The following EML6 variants were observed in gnomAD, a reference collection of about 807,000 sequenced individuals.
EML6 encodes echinoderm microtubule-associated protein-like 6.
Under a neutral mutation model 240.1 loss-of-function variants are expected in EML6, and 154 were observed. The observed-to-expected ratio is 0.64, with a 90% CI of 0.56 to 0.73. The LOEUF is 0.73. Ranked by LOEUF, EML6 falls within the 30% of genes least tolerant of loss-of-function variation. The pLI is 0.00. For synonymous variants in EML6, 1,148 were observed against 899.0 expected (o/e 1.28, Z -4.95); for missense variants, 2,964 against 2,474.6 (o/e 1.20, Z -4.20).
chr2:54,926,818 C>A (rs1237043397), intron 26 of EML6, among the ~76,000 whole-genome samples: 1 of 152,168 alleles, frequency 6.6e-6, no homozygotes, highest in Non-Finnish European at 1.5e-5. Context: ...CCCTCTGCAA[C>A]CTGAATCTCA....
chr2:54,903,630 C>A (rs776320093), intron 24 of EML6, 128 bp downstream of exon 24: 58 of 771,244 alleles, frequency 7.5e-5, no homozygotes, highest in Non-Finnish European at 9.9e-5. Flanking sequence ...ACAATATAAA[C>A]GACTGTAATT....
At chr2:54,866,980 G>T (rs988854783) in intron 14 of EML6, 96 bp downstream of exon 14, 61 of 656,158 alleles carry the variant, frequency 9.3e-5, no homozygotes, top group Admixed American at 1.3e-4. Context: ...CCTCCCCTCA[G>T]TGTCGTCCTC....
intron 26 of EML6, among the ~76,000 whole-genome samples, chr2:54,919,460 T>A (rs1345364924): frequency 2.6e-5 from 4 of 152,146 alleles, no homozygotes; most frequent in African/African-American, 9.7e-5. Context: ...AATAACTGAT[T>A]AGGTTATCAT....
At chr2:54,827,501 T>C (rs1008241587) in intron 5 of EML6, 65 bp from the exon 6 acceptor site, 13 of 1,331,294 alleles carry the variant, frequency 9.8e-6, no homozygotes, top group South Asian at 5.2e-5. Flanking sequence ...GAAGTATAAA[T>C]AAACACCAAT....
chr2:54,861,299 C>T (rs928732813), intron 12 of EML6, among the ~76,000 whole-genome samples: 7 of 152,180 alleles, frequency 4.6e-5, no homozygotes, highest in African/African-American at 1.7e-4. Flanking sequence ...CCTTAATGAA[C>T]TAGCTCTGGA....
chr2:54,932,151 G>A (rs1482896135), intron 28 of EML6, among the ~76,000 whole-genome samples: 5 of 152,162 alleles, frequency 3.3e-5, no homozygotes, highest in Non-Finnish European at 5.9e-5. Context: ...TTTACAGTTG[G>A]TCTCAAAAGA....
At chr2:54,861,089 A>G (rs898089838) in intron 12 of EML6, among the ~76,000 whole-genome samples, 3 of 152,166 alleles carry the variant, frequency 2.0e-5, no homozygotes, top group Non-Finnish European at 4.4e-5. Flanking sequence ...TTCCAATGCT[A>G]CTTGATGGCC....
intron 22 of EML6, among the ~76,000 whole-genome samples, chr2:54,900,173 TA>T (rs1366189114): frequency 3.3e-5 from 5 of 152,182 alleles, no homozygotes; most frequent in Admixed American, 1.3e-4. Flanking sequence ...TATAGAAATA[TA>T]ATACTTAAGA....
intron 7 of EML6, 146 bp downstream of exon 7, chr2:54,829,623 A>G: frequency 1.6e-6 from 1 of 609,568 alleles, no homozygotes; most frequent in South Asian, 2.9e-5. Context: ...TTAAAAGTAA[A>G]TGGATGTCCT....
At chr2:54,958,443 C>T (rs769737009) in intron 33 of EML6, among the ~76,000 whole-genome samples, 4 of 152,134 alleles carry the variant, frequency 2.6e-5, no homozygotes, top group Non-Finnish European at 2.9e-5. Context: ...CCGCCTGCCT[C>T]AGCCTCCCAA....
chr2:54,777,554 G>T (rs1035161214), intron 2 of EML6, among the ~76,000 whole-genome samples: 7 of 152,142 alleles, frequency 4.6e-5, no homozygotes, highest in Non-Finnish European at 1.0e-4. Flanking sequence ...GCTTTGGAAA[G>T]GGGAAATGTA....
intron 28 of EML6, among the ~76,000 whole-genome samples, chr2:54,931,424 T>C (rs1256339308): frequency 6.6e-6 from 1 of 152,134 alleles, no homozygotes. Flanking sequence ...CCATGGACTC[T>C]AGCATCCTGG....
chr2:54,798,685 A>G (rs1223532092), intron 2 of EML6, among the ~76,000 whole-genome samples: 3 of 152,170 alleles, frequency 2.0e-5, no homozygotes, highest in Non-Finnish European at 4.4e-5. Context: ...GATTAGGATA[A>G]TAGGATTTTG....
chr2:54,865,841 T>C (rs1670944387), intron 13 of EML6, among the ~76,000 whole-genome samples: 3 of 152,366 alleles, frequency 2.0e-5, no homozygotes, highest in South Asian at 2.1e-4. Flanking sequence ...ACAGGGATTT[T>C]TTAACTCAAT....
chr2:54,860,628 T>C (rs1342546510), intron 12 of EML6, among the ~76,000 whole-genome samples: 2 of 152,146 alleles, frequency 1.3e-5, no homozygotes, highest in African/African-American at 2.4e-5. Context: ...TCCCCAACTT[T>C]TATAGCTTCC....
chr2:54,729,796 A>G (rs1177873352), intron 2 of EML6, among the ~76,000 whole-genome samples: 1 of 152,240 alleles, frequency 6.6e-6, no homozygotes, highest in Non-Finnish European at 1.5e-5. Flanking sequence ...ATTCAAGAAT[A>G]TTTGAAGTAG....
At chr2:54,856,491 T>C (rs1670388024) in intron 11 of EML6, among the ~76,000 whole-genome samples, 1 of 152,246 alleles carries the variant, frequency 6.6e-6, no homozygotes, top group African/African-American at 2.4e-5. Context: ...ACATGGCCTA[T>C]GGACAGCTTG....
intron 29 of EML6, 37 bp from the exon 30 acceptor site, chr2:54,950,613 C>T (rs1453065460): frequency 7.7e-6 from 12 of 1,549,108 alleles, no homozygotes; most frequent in African/African-American, 1.4e-5. Context: ...CCCTTCCTTC[C>T]TCTGAGGGTC....
In EML6 at chr2:54,861,883, A is replaced by T. The variant is rs551496659; in HGVS notation, c.1826-1900A>T. On this transcript the variant is annotated intron_variant, in intron 12 of 41. Transcript: ENST00000356458. ...ACATCTCCAGAAAGCAACCCCAGTT[A>T]AGTAGAGATATGTGATTTACCCAAC... Among the ~76,000 whole-genome samples the T allele has an allele frequency of 7.9e-5, 12 of 152,248 alleles. No individual in the cohort carries two copies. The East Asian group carries it at 1.7e-3, about 22-fold the overall frequency.
Sources: allele counts gnomAD v4.1 joint callset (sites outside exome capture counted in the v4.1 genomes callset), GRCh38; gene constraint gnomAD v4.1.1; transcripts MANE v1.5; gene names NCBI Gene and HGNC (gene_info 2026-07-23, HGNC 2026-07-21).